The following PPP1R14C variants were observed in gnomAD, a reference collection of about 807,000 sequenced individuals.
PPP1R14C encodes protein phosphatase 1 regulatory subunit 14C.
A neutral mutation model predicts 20.4 loss-of-function variants in PPP1R14C; 16 were observed. The observed-to-expected ratio is 0.78, with a 90% CI of 0.53 to 1.19. The LOEUF (loss-of-function observed/expected upper bound fraction) is 1.19, where lower values mean the gene tolerates loss of function less well. Among genes scored for constraint, PPP1R14C ranks in the 50% most tolerant of loss-of-function variants. PPP1R14C has a pLI of 0.00. For synonymous variants in PPP1R14C, 91 were observed against 91.0 expected (o/e 1.00, Z 0.00); for missense variants, 211 against 220.1 (o/e 0.96, Z 0.26).
In PPP1R14C at chr6:150,249,649, A is replaced by G. The variant is rs1373869188; in HGVS notation, c.*829A>G. 1.3e-5 allele frequency: 5 copies of G among 398,072 alleles called. No individual in the cohort carries two copies. The highest frequency in any genetic ancestry group is 2.2e-5 in the Non-Finnish European group (5 of 226,028). The allele number at this position is 398,072 out of a possible 1,614,324, so 24.7% of individuals were successfully genotyped here. On this transcript the variant is annotated 3_prime_UTR_variant, in exon 4 of 4. Coordinates refer to ENST00000361131, the MANE Select transcript of PPP1R14C (RefSeq NM_030949.3). ...CCACACTATCTCAGTGGTATTTTGC[A>G]TTGGAAAAAGGAAGCACTGTGTAGC...
intron 3 of PPP1R14C, among the ~76,000 whole-genome samples, chr6:150,219,511 C>T (rs890490384): frequency 2.0e-5 from 3 of 151,716 alleles, no homozygotes; most frequent in Non-Finnish European, 4.4e-5. Flanking sequence ...TCACTGTGCC[C>T]GGCCATAACG....
intron 1 of PPP1R14C, among the ~76,000 whole-genome samples, chr6:150,169,115 G>A (rs1056709119): frequency 2.6e-5 from 4 of 152,162 alleles, no homozygotes; most frequent in African/African-American, 7.2e-5. Flanking sequence ...GAGCTCAGGC[G>A]ATCCACCCAT....
chr6:150,177,338 T>C (rs1011372687), intron 1 of PPP1R14C, among the ~76,000 whole-genome samples: 3 of 152,218 alleles, frequency 2.0e-5, no homozygotes, highest in Non-Finnish European at 2.9e-5. Flanking sequence ...TATATGGGCC[T>C]CACTTAATGG....
intron 1 of PPP1R14C, among the ~76,000 whole-genome samples, chr6:150,208,555 AAT>A (rs1212194515): frequency 1.3e-5 from 2 of 152,196 alleles, no homozygotes; most frequent in African/African-American, 4.8e-5. Context: ...TGGTTATAAA[AAT>A]CACATCCAAA....
At chr6:150,189,156 G>A (rs1339364706) in intron 1 of PPP1R14C, among the ~76,000 whole-genome samples, 5 of 152,256 alleles carry the variant, frequency 3.3e-5, no homozygotes, top group African/African-American at 4.8e-5. Flanking sequence ...ACCGCACCTG[G>A]CCCTTACAGG....
intron 3 of PPP1R14C, among the ~76,000 whole-genome samples, chr6:150,223,386 G>A (rs1322577436): frequency 6.6e-6 from 1 of 152,168 alleles, no homozygotes; most frequent in Non-Finnish European, 1.5e-5. Flanking sequence ...TTACTGTATT[G>A]TAAGAAAAGT....
chr6:150,205,820 A>G (rs1777942746), intron 1 of PPP1R14C, among the ~76,000 whole-genome samples: 1 of 152,052 alleles, frequency 6.6e-6, no homozygotes, highest in Admixed American at 6.6e-5. Flanking sequence ...TGGAAATAAA[A>G]AAGAAAAAGA....
At chr6:150,224,514 A>G (rs560598790) in intron 3 of PPP1R14C, among the ~76,000 whole-genome samples, 2 of 152,324 alleles carry the variant, frequency 1.3e-5, no homozygotes, top group Non-Finnish European at 2.9e-5. Flanking sequence ...CTGTCGAGAT[A>G]TCCTCAAGCT....
At chr6:150,167,360 TCCGTCTC>T (rs1777434312) in intron 1 of PPP1R14C, among the ~76,000 whole-genome samples, 1 of 151,420 alleles carries the variant, frequency 6.6e-6, no homozygotes, top group African/African-American at 2.4e-5. Flanking sequence ...AGAGCAAGAC[TCCGTCTC>T]GGGGGGGAAA....
At chr6:150,174,827 A>G (rs1777543525) in intron 1 of PPP1R14C, among the ~76,000 whole-genome samples, 1 of 151,716 alleles carries the variant, frequency 6.6e-6, no homozygotes, top group East Asian at 2.0e-4. Flanking sequence ...TTAGCTGGTC[A>G]TGGTGTCGCA....
chr6:150,186,092 G>A (rs986757096), intron 1 of PPP1R14C, among the ~76,000 whole-genome samples: 3 of 152,158 alleles, frequency 2.0e-5, no homozygotes, highest in Non-Finnish European at 4.4e-5. Flanking sequence ...GACCAAGGAT[G>A]GGTTTGCGAT....
At chr6:150,231,894 A>C (rs1778300256) in intron 3 of PPP1R14C, among the ~76,000 whole-genome samples, 1 of 152,234 alleles carries the variant, frequency 6.6e-6, no homozygotes, top group Admixed American at 6.5e-5. Flanking sequence ...TTCTGTTGAT[A>C]CTCAGGCTGT....
At chr6:150,189,851 T>C (rs1777722009) in intron 1 of PPP1R14C, among the ~76,000 whole-genome samples, 1 of 152,132 alleles carries the variant, frequency 6.6e-6, no homozygotes, top group African/African-American at 2.4e-5. Context: ...CCCTGAGTAG[T>C]TCTAACTGAA....
intron 3 of PPP1R14C, among the ~76,000 whole-genome samples, chr6:150,240,332 CA>C (rs1778416947): frequency 6.6e-6 from 1 of 152,122 alleles, no homozygotes; most frequent in Non-Finnish European, 1.5e-5. Flanking sequence ...GCGTTTTGAA[CA>C]AAGAATTGGA....
chr6:150,173,911 CTCTG>C (rs765139101), intron 1 of PPP1R14C, among the ~76,000 whole-genome samples: 12 of 151,954 alleles, frequency 7.9e-5, no homozygotes, highest in Non-Finnish European at 1.6e-4. Flanking sequence ...TCAAAGCTTC[CTCTG>C]TCTTAGTCCT....
intron 3 of PPP1R14C, among the ~76,000 whole-genome samples, chr6:150,245,084 G>A (rs1461986076): frequency 2.6e-5 from 4 of 152,016 alleles, no homozygotes; most frequent in Non-Finnish European, 5.9e-5. Flanking sequence ...AGTTGATGCG[G>A]AACAGTGACC....
rs73007961 is a variant in PPP1R14C at position 150,192,989 on chromosome 6, A to G, written c.307-21755A>G. ...TGGCTGACCTTTTAGTGGGAGGGAG[A>G]TAGACCCTGGAATATTCTGAGTGAT... is the stretch of plus-strand genomic sequence containing the variant. On this transcript the variant is annotated intron_variant, in intron 1 of 3. Transcript: ENST00000361131. Among the ~76,000 whole-genome samples the G allele has an allele frequency of 7.4e-3, 1,121 of 152,278 alleles. 9 individuals are homozygous for G. Among genetic ancestry groups the G allele is most frequent in the Non-Finnish European group, 0.011 (763 of 68,020 alleles).
At chr6:150,150,216 C>T (rs894931483) in intron 1 of PPP1R14C, among the ~76,000 whole-genome samples, 6 of 152,198 alleles carry the variant, frequency 3.9e-5, no homozygotes, top group South Asian at 2.1e-4. Flanking sequence ...ATTCTTGCAT[C>T]CTTACAGCTT....
chr6:150,152,246 G>T (rs1251468562), intron 1 of PPP1R14C, among the ~76,000 whole-genome samples: 1 of 152,154 alleles, frequency 6.6e-6, no homozygotes, highest in Non-Finnish European at 1.5e-5. Flanking sequence ...GGGAGTTTGA[G>T]CTGCAGGCCT....
Sources: allele counts gnomAD v4.1 joint callset (sites outside exome capture counted in the v4.1 genomes callset), GRCh38; gene constraint gnomAD v4.1.1; transcripts MANE v1.5; gene names NCBI Gene and HGNC (gene_info 2026-07-23, HGNC 2026-07-21).